RPS6KC1: variants seen among roughly 807,000 people sequenced by gnomAD.
The protein encoded by RPS6KC1 is inactive ribosomal protein S6 kinase delta-1.
A neutral mutation model predicts 103.8 loss-of-function variants in RPS6KC1; 54 were observed. That is an observed-to-expected ratio of 0.52 (90% CI 0.42 to 0.65). The LOEUF (loss-of-function observed/expected upper bound fraction) is 0.65, where lower values mean the gene tolerates loss of function less well. RPS6KC1 is among the 30% of genes least tolerant of loss of function. The pLI is 0.00. For missense variants in RPS6KC1, 1,151 were observed against 1,253.8 expected (o/e 0.92, Z 1.24); for synonymous variants, 439 against 438.7 (o/e 1.00, Z -0.01).
chr1:213,466,831 G>A, the RPS6KC1 span, among the ~76,000 whole-genome samples: 3 of 152,052 alleles, frequency 2.0e-5, no homozygotes, highest in Admixed American at 6.6e-5. Flanking sequence ...TTTCTGACAG[G>A]CAGGTCATTG....
chr1:213,213,694 G>A (rs1191013489), intron 8 of RPS6KC1, among the ~76,000 whole-genome samples: 1 of 152,104 alleles, frequency 6.6e-6, no homozygotes, highest in Non-Finnish European at 1.5e-5. Flanking sequence ...AAACAATGTA[G>A]GAATGACGCT....
chr1:213,354,956 A>G, the RPS6KC1 span, among the ~76,000 whole-genome samples: 1 of 152,142 alleles, frequency 6.6e-6, no homozygotes, highest in Non-Finnish European at 1.5e-5. Context: ...AGTGGCTCAC[A>G]CCTGTAATCC....
intron 3 of RPS6KC1, among the ~76,000 whole-genome samples, chr1:213,089,812 A>G (rs2080803937): frequency 6.6e-6 from 1 of 152,278 alleles, no homozygotes. Context: ...CCAAAAATCT[A>G]TTACCTCATG....
the RPS6KC1 span, among the ~76,000 whole-genome samples, chr1:213,284,284 A>G: frequency 1.3e-5 from 2 of 152,244 alleles, no homozygotes; most frequent in East Asian, 3.8e-4. Context: ...TGGGAGCCTG[A>G]GGCCAGTGGA....
intron 8 of RPS6KC1, among the ~76,000 whole-genome samples, chr1:213,185,508 C>T (rs978459430): frequency 1.3e-5 from 2 of 152,056 alleles, no homozygotes; most frequent in Non-Finnish European, 2.9e-5. Context: ...CTTAGCCAGG[C>T]ATGGTGGTCC....
intron 3 of RPS6KC1, among the ~76,000 whole-genome samples, chr1:213,086,228 G>A (rs2080382232): frequency 6.6e-6 from 1 of 152,172 alleles, no homozygotes; most frequent in Admixed American, 6.5e-5. Flanking sequence ...TATTTGCTCT[G>A]TGCTGCCAGT....
At chr1:213,595,084 T>C in the RPS6KC1 span, among the ~76,000 whole-genome samples, 1 of 152,186 alleles carries the variant, frequency 6.6e-6, no homozygotes, top group Non-Finnish European at 1.5e-5. Flanking sequence ...AATTTCCTGT[T>C]TATTAAAATA....
the RPS6KC1 span, among the ~76,000 whole-genome samples, chr1:213,359,810 T>G: frequency 6.6e-6 from 1 of 152,196 alleles, no homozygotes; most frequent in Non-Finnish European, 1.5e-5. Flanking sequence ...TCTCCTTCAC[T>G]TATGAAACTT....
At chr1:213,501,310 T>G in the RPS6KC1 span, among the ~76,000 whole-genome samples, 1 of 152,220 alleles carries the variant, frequency 6.6e-6, no homozygotes, top group East Asian at 1.9e-4. Flanking sequence ...AATTGTGTTT[T>G]AAAAATTTGA....
At chr1:213,332,051 A>G in the RPS6KC1 span, among the ~76,000 whole-genome samples, 1 of 152,050 alleles carries the variant, frequency 6.6e-6, no homozygotes, top group African/African-American at 2.4e-5. Flanking sequence ...AAAAAAGACA[A>G]TGGAAAAATC....
At chr1:213,489,742 T>G in the RPS6KC1 span, among the ~76,000 whole-genome samples, 1 of 152,164 alleles carries the variant, frequency 6.6e-6, no homozygotes, top group South Asian at 2.1e-4. Context: ...ATCCCAGGCA[T>G]AGAAAGGCAT....
chr1:213,542,350 T>C, the RPS6KC1 span, among the ~76,000 whole-genome samples: 1 of 152,208 alleles, frequency 6.6e-6, no homozygotes, highest in Non-Finnish European at 1.5e-5. Flanking sequence ...ATACATGTCC[T>C]GCAGGGAGCA....
the RPS6KC1 span, among the ~76,000 whole-genome samples, chr1:213,783,474 G>T: frequency 6.6e-6 from 1 of 152,198 alleles, no homozygotes; most frequent in Admixed American, 6.5e-5. Flanking sequence ...TGTGTTTGTT[G>T]CCTCCCCCCC....
chr1:213,320,554 C>G, the RPS6KC1 span, among the ~76,000 whole-genome samples: 14 of 152,172 alleles, frequency 9.2e-5, no homozygotes, highest in African/African-American at 3.4e-4. Flanking sequence ...ATTTTTACAC[C>G]TCACTGAATC....
the RPS6KC1 span, among the ~76,000 whole-genome samples, chr1:213,320,629 C>A: frequency 6.6e-6 from 1 of 152,232 alleles, no homozygotes; most frequent in African/African-American, 2.4e-5. Context: ...AAAGGAAAAT[C>A]CCCACCCTTA....
chr1:213,446,932 G>A, the RPS6KC1 span, among the ~76,000 whole-genome samples: 1 of 152,180 alleles, frequency 6.6e-6, no homozygotes, highest in Non-Finnish European at 1.5e-5. Flanking sequence ...GTAGTAGTAG[G>A]CTCCTGGAGG....
At chr1:213,473,515 G>A in the RPS6KC1 span, among the ~76,000 whole-genome samples, 9 of 152,322 alleles carry the variant, frequency 5.9e-5, no homozygotes, top group Admixed American at 1.3e-4. Context: ...ACTCTCTGCT[G>A]AAGTCACTGC....
At chr1:213,325,575 T>C in the RPS6KC1 span, among the ~76,000 whole-genome samples, 1 of 152,172 alleles carries the variant, frequency 6.6e-6, no homozygotes, top group African/African-American at 2.4e-5. Context: ...CCCCCGGAGA[T>C]GTTGGTTTCC....
At chr1:213,186,871 C>T (rs1213368488) in intron 8 of RPS6KC1, among the ~76,000 whole-genome samples, 5 of 152,168 alleles carry the variant, frequency 3.3e-5, no homozygotes, top group Middle Eastern at 3.2e-3. Context: ...GGAAGTTCTT[C>T]AGTTCAGCAA....
Sources: gnomAD v4.1 joint callset for allele counts (sites outside exome capture counted in the v4.1 genomes callset) on GRCh38, gnomAD v4.1.1 for gene constraint, MANE v1.5 for transcripts, NCBI Gene and HGNC (gene_info 2026-07-23, HGNC 2026-07-21) for gene names.